RP1: variants seen among roughly 807,000 people sequenced by gnomAD.
RP1 encodes the protein oxygen-regulated protein 1.
Under a neutral mutation model 14.8 loss-of-function variants are expected in RP1, and 16 were observed. The observed-to-expected ratio is 1.08, with a 90% CI of 0.73 to 1.65. RP1 has a LOEUF of 1.65. Ranked by LOEUF, RP1 falls within the 40% of genes most tolerant of loss-of-function variation. RP1 has a pLI of 0.00. For missense variants in RP1, 2,631 were observed against 2,535.0 expected (o/e 1.04, Z -0.81); for synonymous variants, 876 against 883.6 (o/e 0.99, Z 0.15).
chr8:54,718,167 A>G (rs921228255), intron 15 of RP1, among the ~76,000 whole-genome samples: 1 of 152,182 alleles, frequency 6.6e-6, no homozygotes, highest in Non-Finnish European at 1.5e-5. Flanking sequence ...TAGATTCAAT[A>G]CAATTCCAGT....
In RP1 at chr8:54,627,716, C is replaced by T. The variant is rs1390185777; in HGVS notation, c.3834C>T (p.Asp1278=). ...YSPKETCNPS[D]TFFPSDGYGV... is the part of the protein sequence containing the mutation. The stretch of plus-strand genomic sequence containing the variant: ...CAAAAGAGACATGTAACCCCAGTGA[C>T]ACTTTTTTTCCTAGTGATGGTTATG... Residue 1278 remains aspartate, a synonymous_variant, in exon 4 of 4, where the codon GAC becomes GAT. Transcript: ENST00000220676. 6.2e-7 allele frequency: 1 copy of T among 1,614,150 alleles called. No homozygotes were observed.
chr8:54,628,061 C>T lies in RP1; in HGVS notation c.4179C>T (p.Val1393=). ...GFNTLVSHQN[V]SNLSSCGLCL... is the part of the protein sequence containing the mutation. The stretch of plus-strand genomic sequence containing the variant: ...ATACATTGGTGTCACATCAAAATGT[C>T]AGTAATTTAAGCTCCTGTGGCCTTT... The change falls in exon 4 of 4, where the codon GTC becomes GTT. Residue 1393 remains valine (V), a synonymous_variant. Transcript: ENST00000220676. 6.2e-7 allele frequency: 1 copy of T among 1,613,966 alleles called. No individual in the cohort carries two copies. Among genetic ancestry groups the T allele is most frequent in the South Asian group, 1.1e-5 (1 of 91,038 alleles).
chr8:54,835,629 T>C (rs1297821757), intron 24 of RP1, among the ~76,000 whole-genome samples: 1 of 152,196 alleles, frequency 6.6e-6, no homozygotes, highest in Non-Finnish European at 1.5e-5. Context: ...ATTTATTGAC[T>C]TCTATCATAC....
At chr8:54,592,919 A>G (rs1251300943) in intron 1 of RP1, among the ~76,000 whole-genome samples, 1 of 152,170 alleles carries the variant, frequency 6.6e-6, no homozygotes, top group Non-Finnish European at 1.5e-5. Flanking sequence ...TTTTATCAAG[A>G]AAGGAGCTTC....
At chr8:54,587,756 A>C (rs1314802986) in intron 1 of RP1, among the ~76,000 whole-genome samples, 3 of 152,260 alleles carry the variant, frequency 2.0e-5, no homozygotes, top group Non-Finnish European at 2.9e-5. Flanking sequence ...TGACAGGGAC[A>C]TGAGCAAGGT....
intron 15 of RP1, among the ~76,000 whole-genome samples, chr8:54,710,556 C>T (rs1467864425): frequency 6.6e-6 from 1 of 152,200 alleles, no homozygotes; most frequent in Non-Finnish European, 1.5e-5. Flanking sequence ...GCACTTGGTG[C>T]ATCCTGAATT....
intron 18 of RP1, among the ~76,000 whole-genome samples, chr8:54,735,195 A>G (rs1808889215): frequency 2.0e-5 from 3 of 152,166 alleles, no homozygotes; most frequent in African/African-American, 7.2e-5. Flanking sequence ...AAAAGTCTTG[A>G]GAATGAAATC....
upstream of RP1, among the ~76,000 whole-genome samples, chr8:54,612,620 C>A (rs1014207989): frequency 2.6e-5 from 4 of 152,180 alleles, no homozygotes; most frequent in Non-Finnish European, 4.4e-5. Flanking sequence ...TCAAAGTAAT[C>A]CTTGGAAGTG....
Position 54,628,626 on chromosome 8 carries a change from T to C in RP1, c.4744T>C (p.Cys1582Arg), listed in dbSNP as rs751863419. 9 of 1,613,856 alleles carry C rather than the reference T, an allele frequency of 5.6e-6. No individual in the cohort carries two copies. The Admixed American group carries it at 1.5e-4, about 27-fold the overall frequency. ...AGAGTCCTCTCCTGATTTAAAAAAA[T>C]GCATCAAAAGTCCAGTGACTTCTGA... ...YSESSPDLKKCIKSPVTSDWS... is the reference protein window; with the variant it reads ...YSESSPDLKKRIKSPVTSDWS... The change falls in exon 4 of 4, where the codon TGC becomes CGC. Residue 1582 changes from cysteine to arginine, a missense_variant. Transcript: ENST00000220676.
At chr8:54,692,037 A>C (rs1043320074) in intron 12 of RP1, among the ~76,000 whole-genome samples, 1 of 151,796 alleles carries the variant, frequency 6.6e-6, no homozygotes, top group Non-Finnish European at 1.5e-5. Context: ...TCGTTGTTCA[A>C]TTCCCACCTA....
chr8:54,571,164 C>T (rs1340877848), intron 1 of RP1, among the ~76,000 whole-genome samples: 1 of 152,212 alleles, frequency 6.6e-6, no homozygotes, highest in Non-Finnish European at 1.5e-5. Flanking sequence ...TGTGCCCTCC[C>T]CCTCCTTACT....
chr8:54,635,723 A>C (rs561075317), downstream of RP1, among the ~76,000 whole-genome samples: 82 of 152,224 alleles, frequency 5.4e-4, 1 homozygote, highest in Non-Finnish European at 1.0e-3. Flanking sequence ...CTTTGACCCA[A>C]AACCCAACAC....
intron 1 of RP1, among the ~76,000 whole-genome samples, chr8:54,562,688 T>A (rs940148183): frequency 1.3e-5 from 2 of 151,118 alleles, no homozygotes; most frequent in Admixed American, 6.6e-5. Flanking sequence ...AAAAAAAAAA[T>A]CTTTTAAGTA....
At chr8:54,708,716 A>ATT (rs55828552) in intron 15 of RP1, among the ~76,000 whole-genome samples, 1 of 139,968 alleles carries the variant, frequency 7.1e-6, no homozygotes, top group African/African-American at 2.7e-5. Context: ...TGACTCTTCC[A>ATT]TTTTTTTTTT....
At chr8:54,584,245 C>A (rs1015886034) in intron 1 of RP1, among the ~76,000 whole-genome samples, 6 of 152,188 alleles carry the variant, frequency 3.9e-5, no homozygotes, top group African/African-American at 1.4e-4. Context: ...TTTCTGTCTT[C>A]ATTTCGTTAT....
intron 22 of RP1, among the ~76,000 whole-genome samples, chr8:54,765,710 C>G (rs944011585): frequency 3.9e-5 from 6 of 152,096 alleles, no homozygotes; most frequent in Non-Finnish European, 7.4e-5. Context: ...TACTGAAATT[C>G]TTATCCCTCA....
chr8:54,827,771 G>A lies in RP1; in HGVS notation c.3616-9679G>A, dbSNP rs1014252124. Among the ~76,000 whole-genome samples, 20 of 152,182 alleles carry A rather than the reference G, an allele frequency of 1.3e-4. No individual in the cohort carries two copies. The South Asian group carries it at 1.5e-3, about 11-fold the overall frequency. ...AAATTAGCCAGGCGTGGTGACAGGC[G>A]CTTGTAATCTCAGCTACTCGGGAGG... On this transcript the variant is annotated intron_variant, in intron 24 of 28. Transcript: ENST00000637698.
At position 54,657,962 on chromosome 8, in the gene RP1, G is replaced by T. The variant is rs574256316; in HGVS notation, c.1171+1747G>T. On this transcript the variant is annotated intron_variant, in intron 6 of 22. Coordinates refer to the RP1 transcript ENST00000636932. The stretch of plus-strand genomic sequence containing the variant: ...CTTACTACCTTAAACATTTTTAAGT[G>T]TACAGTTCACTTGTGTTAAGTGTAT... Among the ~76,000 whole-genome samples, 10 of 152,216 alleles carry T rather than the reference G, an allele frequency of 6.6e-5. No homozygotes were observed. The South Asian group carries it at 1.9e-3, about 28-fold the overall frequency.
chr8:54,727,240 T>C (rs1563359077), intron 17 of RP1, among the ~76,000 whole-genome samples: 1 of 152,138 alleles, frequency 6.6e-6, no homozygotes, highest in Non-Finnish European at 1.5e-5. Flanking sequence ...AATTAGCCTT[T>C]TGATTTTTGC....
Sources: gnomAD v4.1 joint callset for allele counts (sites outside exome capture counted in the v4.1 genomes callset) on GRCh38, gnomAD v4.1.1 for gene constraint, MANE v1.5 for transcripts, NCBI Gene and HGNC (gene_info 2026-07-23, HGNC 2026-07-21) for gene names.